The following PLCZ1 variants were observed in gnomAD, a reference collection of about 807,000 sequenced individuals.
The protein encoded by PLCZ1 is phospholipase C zeta 1.
Under a neutral mutation model 76.8 loss-of-function variants are expected in PLCZ1, and 64 were observed. The ratio of observed to expected loss-of-function variants is 0.83; its 90% CI spans 0.68 to 1.03. PLCZ1 has a LOEUF of 1.03. Among genes scored for constraint, PLCZ1 ranks in the 50% least tolerant of loss-of-function variants. PLCZ1 has a pLI of 0.00. For synonymous variants in PLCZ1, 248 were observed against 230.8 expected (o/e 1.07, Z -0.68); for missense variants, 751 against 713.7 (o/e 1.05, Z -0.60).
the PLCZ1 span, among the ~76,000 whole-genome samples, chr12:18,669,199 T>C: frequency 1.3e-5 from 2 of 152,126 alleles, no homozygotes; most frequent in East Asian, 3.9e-4. Flanking sequence ...AGTTGAGTAA[T>C]TTTTTTCCAA....
the PLCZ1 span, among the ~76,000 whole-genome samples, chr12:18,677,460 G>A: frequency 2.0e-5 from 3 of 152,040 alleles, no homozygotes; most frequent in Non-Finnish European, 2.9e-5. Flanking sequence ...TGGTTAGAAG[G>A]CAGACTGCTT....
chr12:18,726,773 T>C (rs1035448401), intron 3 of PLCZ1, among the ~76,000 whole-genome samples: 4 of 152,182 alleles, frequency 2.6e-5, no homozygotes, highest in Admixed American at 2.6e-4. Flanking sequence ...GAGTTGGTTG[T>C]ATCTAAAATT....
the PLCZ1 span, among the ~76,000 whole-genome samples, chr12:18,656,274 C>T: frequency 4.6e-5 from 7 of 152,094 alleles, no homozygotes; most frequent in Middle Eastern, 3.4e-3. Context: ...ACCAAAAAAG[C>T]ATTAAAAAAT....
intron 6 of PLCZ1, among the ~76,000 whole-genome samples, chr12:18,710,387 A>G (rs1346178762): frequency 6.6e-6 from 1 of 151,956 alleles, no homozygotes. Context: ...TCTGAAAAGG[A>G]CTAAGGAGGC....
intron 11 of PLCZ1, 105 bp downstream of exon 11, chr12:18,696,045 A>C (rs975563933): frequency 1.6e-6 from 1 of 643,848 alleles, no homozygotes; most frequent in African/African-American, 1.9e-5. Context: ...CCCCGGGCTA[A>C]AAAATCTTTT....
At chr12:18,671,909 AC>A in the PLCZ1 span, among the ~76,000 whole-genome samples, 1 of 152,054 alleles carries the variant, frequency 6.6e-6, no homozygotes, top group Non-Finnish European at 1.5e-5. Flanking sequence ...CATATATAGC[AC>A]CTTTTCATGA....
At chr12:18,689,769 T>C (rs992267865) in intron 12 of PLCZ1, among the ~76,000 whole-genome samples, 1 of 152,158 alleles carries the variant, frequency 6.6e-6, no homozygotes, top group Non-Finnish European at 1.5e-5. Flanking sequence ...AACTCTCAGA[T>C]TGCAGGTGAC....
chr12:18,685,626 C>T lies in PLCZ1; in HGVS notation c.1592-1347G>A, dbSNP rs765461613. 22 of 516,244 alleles carry T rather than the reference C, an allele frequency of 4.3e-5. 1 individual carries two copies. The highest frequency in any genetic ancestry group is 1.7e-4 in the African/African-American group (9 of 51,776). The allele number at this position is 516,244 out of a possible 1,614,324, so 32.0% of individuals were successfully genotyped here. A position where few individuals can be genotyped will look rare whatever the true frequency, so the allele number is the denominator to read the frequency against. ...CCCACAGAAATAGTAAACTAATTGG[C>T]TCATGCTGGAATAATGACCATATTA... On this transcript the variant is annotated intron_variant, in intron 13 of 14. Transcript: ENST00000266505.
At chr12:18,681,363 C>T (rs1300326721), downstream of PLCZ1, among the ~76,000 whole-genome samples, 1 of 152,018 alleles carries the variant, frequency 6.6e-6, no homozygotes, top group Non-Finnish European at 1.5e-5. Flanking sequence ...CTCAAGGGTT[C>T]ATTTAGCCTT....
rs1449191020 is a variant in PLCZ1, at chr12:18,694,966, A to G, written c.1405T>C (p.Ser469Pro). The G allele has an allele frequency of 1.9e-6, 3 of 1,607,444 alleles. No homozygotes were observed. The highest frequency in any genetic ancestry group is 1.3e-5 in the African/African-American group (1 of 74,722). Residue 469 changes from serine (S) to proline (P), a missense_variant, in exon 12 of 15, where the codon TCA (serine) becomes CCA (proline). Transcript: ENST00000266505. ...LKPHFLRESK[S>P]YFNPSNIKEG... ...TTTATGTTACTTGGGTTAAAGTATG[A>G]TTTACTCTCTCTTAAGAAATGTGGT...
chr12:18,699,689 T>A, intron 10 of PLCZ1, 105 bp downstream of exon 10: 1 of 1,240,162 alleles, frequency 8.1e-7, no homozygotes, highest in African/African-American at 1.5e-5. Flanking sequence ...GTGTTGAAAT[T>A]TTATGAGAAT....
chr12:18,674,183 A>C, the PLCZ1 span, among the ~76,000 whole-genome samples: 1 of 152,196 alleles, frequency 6.6e-6, no homozygotes, highest in African/African-American at 2.4e-5. Flanking sequence ...CTACATTTTA[A>C]ATGCTTTTCC....
chr12:18,675,721 A>T, the PLCZ1 span, among the ~76,000 whole-genome samples: 1 of 152,180 alleles, frequency 6.6e-6, no homozygotes, highest in African/African-American at 2.4e-5. Context: ...TATCTTTTGC[A>T]GCAACATGGA....
intron 12 of PLCZ1, among the ~76,000 whole-genome samples, 182 bp from the exon 13 acceptor site, chr12:18,688,400 A>T (rs1255794215): frequency 6.6e-6 from 1 of 152,104 alleles, no homozygotes; most frequent in African/African-American, 2.4e-5. Flanking sequence ...TTATCAGTAG[A>T]TAAACACCAA....
At chr12:18,675,405 T>C in the PLCZ1 span, among the ~76,000 whole-genome samples, 2 of 152,180 alleles carry the variant, frequency 1.3e-5, no homozygotes, top group Admixed American at 6.6e-5. Context: ...AAGAGAATAT[T>C]GATACACTGC....
Position 18,701,699 on chromosome 12 carries a change from A to G in PLCZ1, c.942T>C (p.Asp314=). 6.2e-7 allele frequency: 1 copy of G among 1,612,576 alleles called. No individual in the cohort carries two copies. Among genetic ancestry groups the G allele is most frequent in the Non-Finnish European group, 8.5e-7 (1 of 1,179,584 alleles). The change falls in exon 8 of 15, where the codon GAT becomes GAC. Residue 314 remains aspartate, a synonymous_variant. Transcript: ENST00000266505. ...CCCATTCCTCCACCTTACCACGCTT[A>G]TCAGAACCTTTTCTTTCATGGGTTT... ...LKETHERKGS[D]KRGDNQDKET... is the part of the protein sequence containing the mutation.
intron 4 of PLCZ1, among the ~76,000 whole-genome samples, chr12:18,719,885 C>T (rs1958337853): frequency 6.6e-6 from 1 of 151,794 alleles, no homozygotes; most frequent in South Asian, 2.1e-4. Context: ...TGAAAATACA[C>T]ACAAGAAAAG....
At chr12:18,713,109 C>A (rs1292554027) in intron 5 of PLCZ1, 123 bp from the exon 6 acceptor site, 21 of 1,294,920 alleles carry the variant, frequency 1.6e-5, no homozygotes, top group Middle Eastern at 4.3e-4. Context: ...CCATAAAACT[C>A]TATAAAAACT....
At chr12:18,704,792 C>T (rs1388223502) in intron 7 of PLCZ1, among the ~76,000 whole-genome samples, 4 of 152,070 alleles carry the variant, frequency 2.6e-5, no homozygotes, top group African/African-American at 9.7e-5. Flanking sequence ...GGGGAACTTG[C>T]TACCCAGCTG....
Sources: allele counts gnomAD v4.1 joint callset (sites outside exome capture counted in the v4.1 genomes callset), GRCh38; gene constraint gnomAD v4.1.1; transcripts MANE v1.5; gene names NCBI Gene and HGNC (gene_info 2026-07-23, HGNC 2026-07-21).